KIRREL3: variants seen among roughly 807,000 people sequenced by gnomAD.
KIRREL3 encodes the protein kin of IRRE-like protein 3.
Under a neutral mutation model 89.7 loss-of-function variants are expected in KIRREL3, and 36 were observed. The ratio of observed to expected loss-of-function variants is 0.40; its 90% confidence interval spans 0.31 to 0.53. KIRREL3 has a LOEUF of 0.53. KIRREL3 is among the 20% of genes least tolerant of loss of function. The probability of loss-of-function intolerance (pLI) is 0.49; values close to 1 mark genes in which losing one functional copy is unlikely to be tolerated. For missense variants in KIRREL3, 864 were observed against 1,056.6 expected, an observed-to-expected ratio of 0.82 and a Z score of 2.53; for synonymous variants, 445 against 441.4, an observed-to-expected ratio of 1.01 and a Z score of -0.10.
At chr11:126,919,648 C>T (rs1947189507) in intron 1 of KIRREL3, among the ~76,000 whole-genome samples, 1 of 152,152 alleles carries the variant, frequency 6.6e-6, no homozygotes, top group Non-Finnish European at 1.5e-5. Context: ...TTGGTGACAC[C>T]AGTTGTGCAG....
At chr11:126,692,154 C>A (rs1016130679) in intron 1 of KIRREL3, among the ~76,000 whole-genome samples, 2 of 152,176 alleles carry the variant, frequency 1.3e-5, no homozygotes, top group Admixed American at 1.3e-4. Context: ...TCTGATGCAG[C>A]AGTTCCACTT....
rs1427711740 is a variant in KIRREL3 at position 126,686,878 on chromosome 11, T to A, written c.56-123966A>T. On this transcript the variant is annotated intron_variant, in intron 1 of 16. Transcript: ENST00000525144. This position sits in a 1 kb window ranked among gnomAD's most constrained non-coding sequence, Gnocchi z 4.7. Reference sequence around the variant, plus strand: ...ACAGGTGTGAGCCACCATGCCTGGATCCTACACTGAATTTTGAAACATAAG... The same window carrying A: ...ACAGGTGTGAGCCACCATGCCTGGAACCTACACTGAATTTTGAAACATAAG... 6.6e-6 allele frequency among the ~76,000 whole-genome samples: 1 copy of A among 152,158 alleles called. No individual in the cohort carries two copies. Among genetic ancestry groups the A allele is most frequent in the African/African-American group, 2.4e-5 (1 of 41,436 alleles).
rs1957041551 is a variant in KIRREL3, at chr11:126,475,596, T to G, written c.434-2130A>C. On this transcript the variant is annotated intron_variant, in intron 4 of 16. Coordinates refer to ENST00000525144, the MANE Select transcript of KIRREL3 (RefSeq NM_032531.4). The surrounding 1 kb of genome is among the most constrained non-coding windows in gnomAD (Gnocchi z 7.5). ...CCGAGATCCTGGCTCAGGAACAGAGTCTGCCTCAGGCAACCCTGCCTGGCC... is the reference window on the plus strand; with the variant it reads ...CCGAGATCCTGGCTCAGGAACAGAGGCTGCCTCAGGCAACCCTGCCTGGCC... Among the ~76,000 whole-genome samples, 1 of 148,440 alleles carries G rather than the reference T, an allele frequency of 6.7e-6. No individual in the cohort carries two copies. Among genetic ancestry groups the G allele is most frequent in the Admixed American group, 6.7e-5 (1 of 14,856 alleles).
rs60676762 is a variant in KIRREL3, at chr11:126,571,826, G to A, written c.56-8914C>T. 0.16 allele frequency among the ~76,000 whole-genome samples: 23,632 copies of A among 152,202 alleles called. 4,685 individuals carry two copies. Among genetic ancestry groups the A allele is most frequent in the African/African-American group, 0.46 (19,282 of 41,474 alleles). On this transcript the variant is annotated intron_variant, in intron 1 of 16. Transcript: ENST00000525144. This position sits in a 1 kb window ranked among gnomAD's most constrained non-coding sequence, Gnocchi z 7.7. Reference sequence around the variant, plus strand: ...TACGGGAAACAGTTTTATCCCATGTGCAAGGATGCCTCAGCCCGTCTCTGA... The same window carrying A: ...TACGGGAAACAGTTTTATCCCATGTACAAGGATGCCTCAGCCCGTCTCTGA...
Position 126,537,224 on chromosome 11 carries a change from G to A in KIRREL3, c.134-10537C>T, listed in dbSNP as rs1396992536. The stretch of plus-strand genomic sequence containing the variant: ...CATGCACACACCCGCCTGCATGCCT[G>A]TGAGTGTGGGCAGCCCAGCTGAAAC... On this transcript the variant is annotated intron_variant, in intron 2 of 16. Coordinates refer to ENST00000525144, the MANE Select transcript of KIRREL3 (RefSeq NM_032531.4). This position sits in a 1 kb window ranked among gnomAD's most constrained non-coding sequence, Gnocchi z 4.3. Among the ~76,000 whole-genome samples, 1 of 152,194 alleles carries A rather than the reference G, an allele frequency of 6.6e-6. No homozygotes were observed. Among genetic ancestry groups the A allele is most frequent in the East Asian group, 1.9e-4 (1 of 5,184 alleles).
chr11:126,875,200 C>T (rs1049013021), intron 1 of KIRREL3, among the ~76,000 whole-genome samples: 2 of 152,088 alleles, frequency 1.3e-5, no homozygotes, highest in South Asian at 2.1e-4. Flanking sequence ...GTGTCCAAAG[C>T]GTAGGCCATT....
At chr11:126,886,952 A>C (rs1945718219) in intron 1 of KIRREL3, among the ~76,000 whole-genome samples, 1 of 91,342 alleles carries the variant, frequency 1.1e-5, no homozygotes. Context: ...AACTTTCAAC[A>C]TTCAAGAAAA....
chr11:126,529,619 G>T (rs1386551774), intron 2 of KIRREL3, among the ~76,000 whole-genome samples: 5 of 128,118 alleles, frequency 3.9e-5, no homozygotes, highest in Non-Finnish European at 8.0e-5. Flanking sequence ...AAAAAAAAAA[G>T]ACCTTCCTAG....
Position 126,550,156 on chromosome 11 carries a change from G to C in KIRREL3, c.133+12679C>G, listed in dbSNP as rs1787163675. The C allele has an allele frequency of 6.6e-6, 1 of 152,268 alleles. No homozygotes were observed. Among genetic ancestry groups the C allele is most frequent in the South Asian group, 2.1e-4 (1 of 4,832 alleles). The allele number at this position is 152,268 out of a possible 1,614,324, so 9.4% of individuals were successfully genotyped here. A position where few individuals can be genotyped will look rare whatever the true frequency, so the allele number is the denominator to read the frequency against. On this transcript the variant is annotated intron_variant, in intron 2 of 16. Coordinates refer to ENST00000525144, the MANE Select transcript of KIRREL3 (RefSeq NM_032531.4). This position sits in a 1 kb window ranked among gnomAD's most constrained non-coding sequence, Gnocchi z 4.9. ...TTACATGCACAGCGCCAGGCACAGA[G>C]CGGGTACTGGACACATGGTTGGTGA...
At chr11:126,488,695 C>G (rs1168776366) in intron 4 of KIRREL3, among the ~76,000 whole-genome samples, 1 of 152,248 alleles carries the variant, frequency 6.6e-6, no homozygotes, top group East Asian at 1.9e-4. Context: ...GGAGCCCACA[C>G]CCTCCCACCA....
At chr11:126,785,029 A>T (rs953739262) in intron 1 of KIRREL3, among the ~76,000 whole-genome samples, 5 of 152,004 alleles carry the variant, frequency 3.3e-5, no homozygotes, top group Non-Finnish European at 7.4e-5. Flanking sequence ...GTTAAGGGGG[A>T]TAGTGTTCTT....
In KIRREL3 at chr11:126,897,059, C is replaced by T. The variant is rs895016393; in HGVS notation, c.55+103396G>A. On this transcript the variant is annotated intron_variant, in intron 1 of 16. Coordinates refer to ENST00000525144, the MANE Select transcript of KIRREL3 (RefSeq NM_032531.4). The surrounding 1 kb of genome is among the most constrained non-coding windows in gnomAD (Gnocchi z 4.2). ...GCAGCCTTCTCCTCTCTCTTCCCTG[C>T]TCTTCCTCTTATCCAAGTTATTAAA... Among the ~76,000 whole-genome samples, 5 of 152,152 alleles carry T rather than the reference C, an allele frequency of 3.3e-5. No homozygotes were observed. The highest frequency in any genetic ancestry group is 2.0e-4 in the Admixed American group (3 of 15,278).
chr11:126,691,483 C>T (rs1946876333), intron 1 of KIRREL3, among the ~76,000 whole-genome samples: 1 of 152,096 alleles, frequency 6.6e-6, no homozygotes, highest in Non-Finnish European at 1.5e-5. Flanking sequence ...TCCCATGCAA[C>T]AATATGAATT....
At chr11:126,774,063 G>A (rs1262070166) in intron 1 of KIRREL3, among the ~76,000 whole-genome samples, 3 of 152,142 alleles carry the variant, frequency 2.0e-5, no homozygotes, top group Non-Finnish European at 4.4e-5. Context: ...AAGGAAAGGA[G>A]GGAGGAGAAA....
In KIRREL3 at chr11:126,909,063, T is replaced by C. The variant is rs918422526; in HGVS notation, c.55+91392A>G. Among the ~76,000 whole-genome samples the C allele has an allele frequency of 7.2e-5, 11 of 152,222 alleles. No individual in the cohort carries two copies. The highest frequency in any genetic ancestry group is 7.2e-4 in the Admixed American group (11 of 15,282). ...GTTGATTTGTATTTTTCAAATATTG[T>C]CTATTCACTTGGTTGAATCATCTCT... On this transcript the variant is annotated intron_variant, in intron 1 of 16. Coordinates refer to ENST00000525144, the MANE Select transcript of KIRREL3 (RefSeq NM_032531.4). This position sits in a 1 kb window ranked among gnomAD's most constrained non-coding sequence, Gnocchi z 4.5.
chr11:126,895,308 C>T (rs1946105464), intron 1 of KIRREL3, among the ~76,000 whole-genome samples: 1 of 151,760 alleles, frequency 6.6e-6, no homozygotes, highest in Non-Finnish European at 1.5e-5. Context: ...ACTAAAAATA[C>T]AAAAATTAGC....
chr11:126,654,786 C>T lies in KIRREL3; in HGVS notation c.56-91874G>A, dbSNP rs180693892. On this transcript the variant is annotated intron_variant, in intron 1 of 16. Transcript: ENST00000525144. Reference sequence around the variant, plus strand: ...TCTACACTGCTTCAATGCTTTTCAACCATTATTTTTTTTTATTTTTTTATT... The same window carrying T: ...TCTACACTGCTTCAATGCTTTTCAATCATTATTTTTTTTTATTTTTTTATT... Among the ~76,000 whole-genome samples, 1,000 of 151,752 alleles carry T rather than the reference C, an allele frequency of 6.6e-3. 12 individuals carry two copies. Among genetic ancestry groups the T allele is most frequent in the African/African-American group, 0.023 (958 of 41,512 alleles).
At position 126,486,951 on chromosome 11, in the gene KIRREL3, C is replaced by T. The variant is rs1362975962; in HGVS notation, c.434-13485G>A. Among the ~76,000 whole-genome samples the T allele has an allele frequency of 6.6e-6, 1 of 152,078 alleles. No individual in the cohort carries two copies. The highest frequency in any genetic ancestry group is 2.4e-5 in the African/African-American group (1 of 41,384). On this transcript the variant is annotated intron_variant, in intron 4 of 16. Transcript: ENST00000525144. This position sits in a 1 kb window ranked among gnomAD's most constrained non-coding sequence, Gnocchi z 6.2. Reference sequence around the variant, plus strand: ...ATATAGTTGGTTTTGCTATGGGCTCCCCATCCGGTAAATCCACCTCCTCAA... The same window carrying T: ...ATATAGTTGGTTTTGCTATGGGCTCTCCATCCGGTAAATCCACCTCCTCAA...
rs557498292 is a variant in KIRREL3, at chr11:126,904,266, T to A, written c.55+96189A>T. ...ATTCCAAGTTTCATTTAGCACAACATATAGATGGTTTAAATCTACATTCAA... is the reference window on the plus strand; with the variant it reads ...ATTCCAAGTTTCATTTAGCACAACAAATAGATGGTTTAAATCTACATTCAA... On this transcript the variant is annotated intron_variant, in intron 1 of 16. Coordinates refer to ENST00000525144, the MANE Select transcript of KIRREL3 (RefSeq NM_032531.4). This position sits in a 1 kb window ranked among gnomAD's most constrained non-coding sequence, Gnocchi z 4.4. Among the ~76,000 whole-genome samples the A allele has an allele frequency of 6.6e-6, 1 of 152,326 alleles. No homozygotes were observed. Among genetic ancestry groups the A allele is most frequent in the Non-Finnish European group, 1.5e-5 (1 of 68,030 alleles).
Sources: allele counts gnomAD v4.1 joint callset (sites outside exome capture counted in the v4.1 genomes callset), GRCh38; gene constraint gnomAD v4.1.1; non-coding constraint Gnocchi (gnomAD v3.1); transcripts MANE v1.5; gene names NCBI Gene and HGNC (gene_info 2026-07-23, HGNC 2026-07-21).